The following DPP4 variants were observed in gnomAD, a reference collection of about 807,000 sequenced individuals.
DPP4 encodes the protein dipeptidyl peptidase 4.
In DPP4, 93 loss-of-function variants were observed where a neutral mutation model predicts 122.4. That is an observed-to-expected ratio of 0.76 (90% CI 0.64 to 0.90). The LOEUF (loss-of-function observed/expected upper bound fraction) is 0.90, where lower values mean the gene tolerates loss of function less well. Among genes scored for constraint, DPP4 ranks in the 40% least tolerant of loss-of-function variants. The pLI, the probability that DPP4 is intolerant of heterozygous loss-of-function variation, is 0.00. For synonymous variants in DPP4, 321 were observed against 302.9 expected, an observed-to-expected ratio of 1.06 and a Z score of -0.62; for missense variants, 914 against 907.3, an observed-to-expected ratio of 1.01 and a Z score of -0.09.
Position 162,018,626 on chromosome 2 carries a change from T to C in DPP4, c.1420+103A>G. Reference sequence around the variant, plus strand: ...AAATGTGAGTGGAGAGAAGGGGACTTAGGTGATTTCAAGAGCTCCTCAGAT... The same window carrying C: ...AAATGTGAGTGGAGAGAAGGGGACTCAGGTGATTTCAAGAGCTCCTCAGAT... On this transcript the variant is annotated intron_variant, in intron 16 of 25. Coordinates refer to ENST00000360534, the MANE Select transcript of DPP4 (RefSeq NM_001935.4). The C allele has an allele frequency of 4.9e-6, 7 of 1,415,444 alleles. No individual in the cohort carries two copies. The South Asian group carries it at 8.5e-5, about 17-fold the overall frequency. 87.7% of individuals were successfully genotyped at this position (1,415,444 alleles called of 1,614,324 possible). A position where few individuals can be genotyped will look rare whatever the true frequency, so the allele number is the denominator to read the frequency against.
Position 161,995,325 on chromosome 2 carries a change from G to A in DPP4, c.2100C>T (p.Tyr700=), listed in dbSNP as rs199553737. ...SRAENFKQVE[Y]LLIHGTADDN... is the part of the protein sequence containing the mutation. The stretch of plus-strand genomic sequence containing the variant: ...CATCTGCTGTTCCATGAATAAGGAG[G>A]TACTCAACTTGTTTAAAATTTTCAG... The change falls in exon 24 of 26, where the codon TAC becomes TAT. Residue 700 remains tyrosine, a synonymous_variant. Coordinates refer to ENST00000360534, the MANE Select transcript of DPP4 (RefSeq NM_001935.4). The A allele has an allele frequency of 5.3e-5, 85 of 1,613,812 alleles. No homozygotes were observed. The highest frequency in any genetic ancestry group is 6.9e-5 in the Non-Finnish European group (81 of 1,179,890).
At chr2:162,046,241 A>G (rs1684170027) in intron 4 of DPP4, among the ~76,000 whole-genome samples, 1 of 152,170 alleles carries the variant, frequency 6.6e-6, no homozygotes, top group South Asian at 2.1e-4. Context: ...ACTCATTACC[A>G]CAAGATTAAA....
chr2:162,045,890 C>T (rs1219382735), intron 4 of DPP4, among the ~76,000 whole-genome samples: 2 of 152,110 alleles, frequency 1.3e-5, no homozygotes, highest in South Asian at 2.1e-4. Context: ...GTGGGAATAG[C>T]GTAAGCAAAA....
At chr2:162,027,166 C>A (rs186286895) in intron 10 of DPP4, among the ~76,000 whole-genome samples, 238 of 152,200 alleles carry the variant, frequency 1.6e-3, no homozygotes, top group African/African-American at 5.2e-3. Context: ...GCCTGACCAA[C>A]ATGGCAAAAC....
At chr2:162,016,672 A>G in intron 18 of DPP4, 96 bp downstream of exon 18, 1 of 728,902 alleles carries the variant, frequency 1.4e-6, no homozygotes, top group East Asian at 2.8e-5. Flanking sequence ...TTAGATTTAT[A>G]TATAATATGA....
chr2:162,009,125 T>A, intron 21 of DPP4, 116 bp downstream of exon 21: 1 of 1,085,688 alleles, frequency 9.2e-7, no homozygotes, highest in Non-Finnish European at 1.4e-6. Context: ...CCCAGAGACC[T>A]AAGACTTGAT....
chr2:162,069,492 A>C (rs1576077585), intron 2 of DPP4, among the ~76,000 whole-genome samples: 1 of 152,304 alleles, frequency 6.6e-6, no homozygotes, highest in East Asian at 1.9e-4. Context: ...CCCTTTGAGA[A>C]GAGAGGCAGA....
chr2:162,045,472 T>A (rs1684138296), intron 5 of DPP4, 60 bp downstream of exon 5: 1 of 1,294,896 alleles, frequency 7.7e-7, no homozygotes, highest in Non-Finnish European at 1.1e-6. Context: ...TTGAAATCGG[T>A]TATAACATAG....
intron 16 of DPP4, 58 bp downstream of exon 16, chr2:162,018,671 C>T: frequency 1.3e-6 from 2 of 1,577,144 alleles, no homozygotes; most frequent in Middle Eastern, 1.7e-4. Context: ...ATAGAGGGAG[C>T]TGCTTCGAAG....
chr2:162,048,530 T>C (rs972276884), intron 2 of DPP4, among the ~76,000 whole-genome samples: 6 of 152,146 alleles, frequency 3.9e-5, no homozygotes, highest in South Asian at 2.1e-4. Context: ...AAGACTGTCT[T>C]ATGTCACTCT....
At position 162,009,315 on chromosome 2, in the gene DPP4, TC is replaced by T; in HGVS notation, c.1833-21del. The T allele has an allele frequency of 6.2e-7, 1 of 1,611,922 alleles. No individual in the cohort carries two copies. The highest frequency in any genetic ancestry group is 8.5e-7 in the Non-Finnish European group (1 of 1,178,148). On this transcript the variant is annotated intron_variant, in intron 20 of 25. Coordinates refer to ENST00000360534, the MANE Select transcript of DPP4 (RefSeq NM_001935.4). ...AATTGTCTAAAACACAAGGAAAAAG[TC>T]CACAGATCAGTACTGCATTGTGTAT...
chr2:162,059,102 T>C (rs1322579667), intron 2 of DPP4, among the ~76,000 whole-genome samples: 1 of 152,310 alleles, frequency 6.6e-6, no homozygotes, highest in Admixed American at 6.5e-5. Context: ...GGTAAAGAAA[T>C]GCAAGGCTGG....
At chr2:161,997,472 A>C (rs149344813) in intron 23 of DPP4, among the ~76,000 whole-genome samples, 5 of 152,332 alleles carry the variant, frequency 3.3e-5, no homozygotes, top group African/African-American at 1.2e-4. Context: ...AGAGTGCAAA[A>C]TATTTATCAA....
At chr2:162,005,659 G>T in intron 23 of DPP4, 86 bp downstream of exon 23, 1 of 1,191,214 alleles carries the variant, frequency 8.4e-7, no homozygotes, top group Non-Finnish European at 1.2e-6. Flanking sequence ...ATAAAAATAT[G>T]TATTTTCTAG....
intron 23 of DPP4, among the ~76,000 whole-genome samples, chr2:162,002,673 AAG>A (rs112312472): frequency 1.1e-4 from 16 of 150,044 alleles, no homozygotes; most frequent in Admixed American, 2.0e-4. Context: ...GAAAAAGAGG[AAG>A]AGAGAGAGAG....
chr2:162,010,910 T>A (rs2106088616), intron 20 of DPP4, among the ~76,000 whole-genome samples: 1 of 152,228 alleles, frequency 6.6e-6, no homozygotes, highest in East Asian at 1.9e-4. Context: ...CCCTCCCTAT[T>A]ATGCTTCCCC....
chr2:162,056,895 A>G lies in DPP4; in HGVS notation c.95-9394T>C, dbSNP rs191730079. On this transcript the variant is annotated intron_variant, in intron 2 of 25. Transcript: ENST00000360534. Reference sequence around the variant, plus strand: ...TCAAGACCTAAGACTGGTCTTTGAGATATTTTTCAGACTTTTGCATTCAGT... The same window carrying G: ...TCAAGACCTAAGACTGGTCTTTGAGGTATTTTTCAGACTTTTGCATTCAGT... 7.3e-4 allele frequency among the ~76,000 whole-genome samples: 111 copies of G among 152,322 alleles called. 1 individual carries two copies. Among genetic ancestry groups the G allele is most frequent in the African/African-American group, 2.5e-3 (105 of 41,564 alleles).
chr2:162,065,155 C>T (rs763767275), intron 2 of DPP4, among the ~76,000 whole-genome samples: 4 of 152,116 alleles, frequency 2.6e-5, no homozygotes, highest in African/African-American at 7.2e-5. Flanking sequence ...TTCTCCTTGC[C>T]GGTGATTGGT....
intron 2 of DPP4, among the ~76,000 whole-genome samples, chr2:162,057,563 CT>C (rs1402229680): frequency 6.6e-6 from 1 of 152,192 alleles, no homozygotes; most frequent in Non-Finnish European, 1.5e-5. Flanking sequence ...CAGCCTCTAG[CT>C]TCCTTTGTAA....
Sources: gnomAD v4.1 joint callset for allele counts (sites outside exome capture counted in the v4.1 genomes callset) on GRCh38, gnomAD v4.1.1 for gene constraint, MANE v1.5 for transcripts, NCBI Gene and HGNC (gene_info 2026-07-23, HGNC 2026-07-21) for gene names.